Variants in MAP3K9 observed in about 807,000 individuals in gnomAD.
MAP3K9 encodes mixed lineage kinase 1 (tyr and ser/thr specificity).
MAP3K9 carries 46 observed loss-of-function variants against 95.8 expected under a neutral mutation model. The ratio of observed to expected loss-of-function variants is 0.48; its 90% CI spans 0.38 to 0.61. The LOEUF (loss-of-function observed/expected upper bound fraction) is 0.61. Among genes scored for constraint, MAP3K9 ranks in the 20% least tolerant of loss-of-function variants. The probability of loss-of-function intolerance (pLI) is 0.00; values close to 1 mark genes in which losing one functional copy is unlikely to be tolerated. For missense variants in MAP3K9, 1,296 were observed against 1,474.3 expected (o/e 0.88, Z 1.98); for synonymous variants, 533 against 593.8 (o/e 0.90, Z 1.49).
In MAP3K9 at chr14:70,809,239, G is replaced by A. The variant is rs2055039033; in HGVS notation, c.-68C>T. The stretch of plus-strand genomic sequence containing the variant: ...GGAGCCGCCGCCGCCTATTGTTCAT[G>A]CGCCTCCGCAGAGCTGGGAGGACCC... On this transcript the variant is annotated 5_prime_UTR_variant, in exon 1 of 12. Coordinates refer to ENST00000554752, the MANE Select transcript of MAP3K9 (RefSeq NM_001284230.2). 1.1e-5 allele frequency: 14 copies of A among 1,283,168 alleles called. 1 individual carries two copies. The South Asian group carries it at 4.0e-4, about 37-fold the overall frequency. The allele number at this position is 1,283,168 out of a possible 1,614,324, so 79.5% of individuals were successfully genotyped here.
At chr14:70,739,996 T>G (rs1448471309) in intron 7 of MAP3K9, 46 bp downstream of exon 7, 1 of 1,614,028 alleles carries the variant, frequency 6.2e-7, no homozygotes. Context: ...AGGGGACAGG[T>G]GCCCCTGTGT....
chr14:70,748,856 C>G lies in MAP3K9; in HGVS notation c.1299G>C (p.Met433Ile), dbSNP rs1475079727. Reference protein sequence around the residue: ...QDNWKHEIQEMFDQLRAKEKE... With the variant: ...QDNWKHEIQEIFDQLRAKEKE... ...TTTCTTTGGCCCTGAGTTGGTCAAA[C>G]ATCTCCTGAATCTCGTGTTTCCAGT... The change falls in exon 5 of 12, where the codon ATG (methionine) becomes ATC (isoleucine). Residue 433 changes from methionine to isoleucine, a missense_variant. By Grantham distance (10) the Met-to-Ile change is conservative. This residue lies in a region of MAP3K9 where 136 missense variants were observed against 221.5 expected (regional missense o/e 0.61). Coordinates refer to ENST00000554752, the MANE Select transcript of MAP3K9 (RefSeq NM_001284230.2). The G allele has an allele frequency of 6.2e-7, 1 of 1,613,180 alleles. No homozygotes were observed. The highest frequency in any genetic ancestry group is 1.3e-5 in the African/African-American group (1 of 74,854).
chr14:70,785,607 GAC>G (rs996782721), intron 2 of MAP3K9, among the ~76,000 whole-genome samples: 2 of 152,172 alleles, frequency 1.3e-5, no homozygotes, highest in Admixed American at 1.3e-4. Context: ...GTGACACAGT[GAC>G]ACAGTGTTTG....
chr14:70,734,227 A>G (rs553590240), intron 10 of MAP3K9, among the ~76,000 whole-genome samples, 159 bp downstream of exon 10: 3 of 152,354 alleles, frequency 2.0e-5, no homozygotes, highest in South Asian at 2.1e-4. Flanking sequence ...CAAGTGTAGT[A>G]TGAGTTTCTA....
intron 2 of MAP3K9, among the ~76,000 whole-genome samples, chr14:70,761,599 C>T (rs914492274): frequency 2.0e-5 from 3 of 152,130 alleles, no homozygotes; most frequent in African/African-American, 7.2e-5. Context: ...CCCGTCTCTA[C>T]TAAAAATACA....
At chr14:70,767,601 G>A (rs796561171) in intron 2 of MAP3K9, among the ~76,000 whole-genome samples, 6 of 152,168 alleles carry the variant, frequency 3.9e-5, no homozygotes, top group South Asian at 2.1e-4. Context: ...GTGCCAGGTC[G>A]GGTAGGGGAC....
chr14:70,808,740 C>T (rs2055025289), intron 1 of MAP3K9, 26 bp downstream of exon 1: 1 of 1,442,448 alleles, frequency 6.9e-7, no homozygotes, highest in Non-Finnish European at 9.2e-7. Flanking sequence ...ATTCCCCCTC[C>T]CCGCCCGGCC....
chr14:70,767,881 G>A (rs1012022114), intron 2 of MAP3K9, among the ~76,000 whole-genome samples: 2 of 152,084 alleles, frequency 1.3e-5, no homozygotes, highest in African/African-American at 4.8e-5. Context: ...TTGACCGGTT[G>A]GTCTTGAACG....
intron 2 of MAP3K9, among the ~76,000 whole-genome samples, chr14:70,763,483 A>ATAATACCT (rs3081478): frequency 0.55 from 83,455 of 151,430 alleles, 23,074 homozygotes; most frequent in Middle Eastern, 0.66. Flanking sequence ...TGTACCATAC[A>ATAATACCT]TAATACCTGA....
chr14:70,749,049 G>A (rs892499274), intron 4 of MAP3K9, 45 bp from the exon 5 acceptor site: 11 of 1,577,694 alleles, frequency 7.0e-6, no homozygotes, highest in Middle Eastern at 1.7e-4. Context: ...ATGGACAGAA[G>A]CAAACATGTA....
At chr14:70,760,005 C>T (rs2054349445) in intron 3 of MAP3K9, among the ~76,000 whole-genome samples, 1 of 152,108 alleles carries the variant, frequency 6.6e-6, no homozygotes, top group Admixed American at 6.5e-5. Flanking sequence ...TTCTTTCCAC[C>T]TTACCCTCCC....
intron 1 of MAP3K9, among the ~76,000 whole-genome samples, chr14:70,802,082 T>C (rs992946343): frequency 2.8e-4 from 42 of 152,288 alleles, no homozygotes; most frequent in Middle Eastern, 6.8e-3. Flanking sequence ...ACCTGTAATT[T>C]AGAAAGGAAA....
chr14:70,743,228 T>C (rs1438840044), intron 5 of MAP3K9, among the ~76,000 whole-genome samples: 1 of 152,098 alleles, frequency 6.6e-6, no homozygotes, highest in Admixed American at 6.6e-5. Flanking sequence ...CATCAAGTGA[T>C]CCATCGGCCT....
At chr14:70,794,831 C>T (rs185180560) in intron 2 of MAP3K9, among the ~76,000 whole-genome samples, 2 of 151,926 alleles carry the variant, frequency 1.3e-5, no homozygotes, top group Admixed American at 1.3e-4. Flanking sequence ...GCACGTACCA[C>T]CATGCCCGGC....
intron 2 of MAP3K9, among the ~76,000 whole-genome samples, chr14:70,784,907 G>T (rs887007346): frequency 9.2e-5 from 14 of 152,174 alleles, no homozygotes; most frequent in African/African-American, 3.4e-4. Context: ...AGTTCGAAAT[G>T]TGGGGATGAT....
At chr14:70,806,367 A>G (rs372999732) in intron 1 of MAP3K9, among the ~76,000 whole-genome samples, 1 of 152,246 alleles carries the variant, frequency 6.6e-6, no homozygotes, top group Non-Finnish European at 1.5e-5. Context: ...TACAGTATCT[A>G]TCACTCACTA....
intron 2 of MAP3K9, among the ~76,000 whole-genome samples, chr14:70,772,799 T>A (rs569390637): frequency 6.6e-6 from 1 of 152,204 alleles, no homozygotes; most frequent in Non-Finnish European, 1.5e-5. Context: ...ACACCTATAA[T>A]CTTATTTAAT....
intron 2 of MAP3K9, among the ~76,000 whole-genome samples, chr14:70,783,882 A>C (rs2054713471): frequency 2.0e-5 from 3 of 152,174 alleles, no homozygotes; most frequent in Non-Finnish European, 4.4e-5. Flanking sequence ...ACGTGTCCAA[A>C]CCCTTTTTGA....
intron 3 of MAP3K9, among the ~76,000 whole-genome samples, chr14:70,753,845 T>C (rs898876449): frequency 6.6e-6 from 1 of 152,182 alleles, no homozygotes; most frequent in African/African-American, 2.4e-5. Context: ...TGTTTGATTT[T>C]TTTTTCAAAG....
Sources: allele counts gnomAD v4.1 joint callset (sites outside exome capture counted in the v4.1 genomes callset), GRCh38; gene constraint gnomAD v4.1.1; regional missense constraint gnomAD v4.1.1; transcripts MANE v1.5; gene names NCBI Gene and HGNC (gene_info 2026-07-23, HGNC 2026-07-21).